The following FAM184B variants were observed in gnomAD, a reference collection of about 807,000 sequenced individuals.
FAM184B encodes the protein family with sequence similarity 184 member B, also known as protein FAM184B.
Under a neutral mutation model 135.9 loss-of-function variants are expected in FAM184B, and 111 were observed. The observed-to-expected ratio is 0.82, with a 90% CI of 0.70 to 0.96. The LOEUF is 0.96. Ranked by LOEUF, FAM184B falls within the 40% of genes least tolerant of loss-of-function variation. The pLI is 0.00. For synonymous variants in FAM184B, 552 were observed against 524.8 expected, an observed-to-expected ratio of 1.05 and a Z score of -0.71; for missense variants, 1,375 against 1,323.9, an observed-to-expected ratio of 1.04 and a Z score of -0.60.
At chr4:17,709,758 A>C (rs1371939647) in intron 1 of FAM184B, 114 bp from the exon 2 acceptor site, 1 of 970,138 alleles carries the variant, frequency 1.0e-6, no homozygotes, top group African/African-American at 1.7e-5. Context: ...GTGGCACCTG[A>C]GAAGAGGATT....
chr4:17,650,134 C>A (rs2872957), intron 11 of FAM184B, among the ~76,000 whole-genome samples: 91,461 of 150,728 alleles, frequency 0.61, 28,198 homozygotes, highest in East Asian at 0.89. Context: ...TTTTCTGTCC[C>A]TCCACCTGTC....
intron 1 of FAM184B, among the ~76,000 whole-genome samples, chr4:17,725,889 C>A (rs368432279): frequency 6.6e-6 from 1 of 152,028 alleles, no homozygotes; most frequent in Non-Finnish European, 1.5e-5. Context: ...ATTCAGCAAC[C>A]AAATCCCATA....
At chr4:17,645,913 T>C (rs1452717166) in intron 12 of FAM184B, among the ~76,000 whole-genome samples, 4 of 151,898 alleles carry the variant, frequency 2.6e-5, no homozygotes, top group Admixed American at 6.6e-5. Context: ...AACAAGTGGG[T>C]GAAGGATATG....
intron 6 of FAM184B, among the ~76,000 whole-genome samples, chr4:17,688,920 T>C (rs1312823708): frequency 6.6e-6 from 1 of 152,146 alleles, no homozygotes; most frequent in Admixed American, 6.6e-5. Context: ...CTCAAACTCC[T>C]GACCTTAAGC....
At chr4:17,710,041 C>A (rs1406335869) in intron 1 of FAM184B, among the ~76,000 whole-genome samples, 1 of 152,054 alleles carries the variant, frequency 6.6e-6, no homozygotes, top group Non-Finnish European at 1.5e-5. Context: ...AAAACTGGAC[C>A]CAGGCCAGGT....
At chr4:17,770,861 C>T (rs1004531341) in intron 1 of FAM184B, among the ~76,000 whole-genome samples, 1 of 152,084 alleles carries the variant, frequency 6.6e-6, no homozygotes, top group Non-Finnish European at 1.5e-5. Flanking sequence ...CCAGGAGATC[C>T]ACCCAAAAAG....
At chr4:17,637,597 TAGTA>T (rs1715182749) in intron 14 of FAM184B, among the ~76,000 whole-genome samples, 1 of 152,198 alleles carries the variant, frequency 6.6e-6, no homozygotes, top group Non-Finnish European at 1.5e-5. Context: ...GCCTGGCATA[TAGTA>T]AGTGCCCGTT....
intron 5 of FAM184B, among the ~76,000 whole-genome samples, chr4:17,703,715 G>C (rs183628827): frequency 1.3e-5 from 2 of 152,026 alleles, no homozygotes; most frequent in African/African-American, 4.8e-5. Context: ...GGCGGATCAC[G>C]AGGTCAAGAG....
intron 10 of FAM184B, among the ~76,000 whole-genome samples, chr4:17,658,025 G>A (rs1419002566): frequency 6.6e-6 from 1 of 152,218 alleles, no homozygotes; most frequent in Non-Finnish European, 1.5e-5. Flanking sequence ...CTGACTTCCT[G>A]GCGTGTTCAT....
intron 1 of FAM184B, among the ~76,000 whole-genome samples, chr4:17,778,086 A>G (rs1718967278): frequency 1.3e-5 from 2 of 152,288 alleles, no homozygotes; most frequent in Non-Finnish European, 1.5e-5. Flanking sequence ...AAAAAAAAAA[A>G]AGTACCTCCT....
intron 1 of FAM184B, among the ~76,000 whole-genome samples, chr4:17,763,682 T>C (rs577606383): frequency 2.2e-4 from 33 of 152,338 alleles, no homozygotes; most frequent in Admixed American, 1.8e-3. Context: ...ACAGCCCTAA[T>C]GGACTCTTAT....
At chr4:17,664,541 A>G in intron 8 of FAM184B, 21 bp downstream of exon 8, 1 of 1,525,794 alleles carries the variant, frequency 6.6e-7, no homozygotes, top group Non-Finnish European at 8.9e-7. Flanking sequence ...AGCACTCAGA[A>G]GTCTGCATGT....
chr4:17,749,592 T>G (rs1171775870), intron 1 of FAM184B, among the ~76,000 whole-genome samples: 2 of 152,178 alleles, frequency 1.3e-5, no homozygotes, highest in Non-Finnish European at 2.9e-5. Flanking sequence ...ATTAGTGCCA[T>G]CTATATGGCC....
At chr4:17,765,045 G>A (rs1168519920) in intron 1 of FAM184B, among the ~76,000 whole-genome samples, 1 of 152,180 alleles carries the variant, frequency 6.6e-6, no homozygotes, top group East Asian at 1.9e-4. Flanking sequence ...CTGGGCAACA[G>A]AGCAAGACCC....
intron 2 of FAM184B, 75 bp from the exon 3 acceptor site, chr4:17,707,859 A>G (rs1023743885): frequency 6.6e-7 from 1 of 1,511,906 alleles, no homozygotes; most frequent in Non-Finnish European, 8.9e-7. Context: ...CAGAATAGCC[A>G]TCAGACCTGA....
intron 8 of FAM184B, among the ~76,000 whole-genome samples, chr4:17,660,549 T>A (rs1051948553): frequency 1.3e-5 from 2 of 152,068 alleles, no homozygotes; most frequent in Admixed American, 1.3e-4. Flanking sequence ...GGTCACACAT[T>A]TTACTGGTGT....
At chr4:17,754,457 A>G (rs1296709312) in intron 1 of FAM184B, among the ~76,000 whole-genome samples, 2 of 151,312 alleles carry the variant, frequency 1.3e-5, no homozygotes, top group Non-Finnish European at 2.9e-5. Flanking sequence ...AAGCTGAGGC[A>G]GGAGAATCGC....
intron 16 of FAM184B, among the ~76,000 whole-genome samples, 196 bp downstream of exon 16, chr4:17,634,813 T>C (rs1425065916): frequency 6.6e-6 from 1 of 151,992 alleles, no homozygotes. Context: ...CTAGAAAATT[T>C]GGAAAATACA....
intron 12 of FAM184B, among the ~76,000 whole-genome samples, chr4:17,642,735 CTCTTCA>C (rs35663359): frequency 0.03 from 4,607 of 152,310 alleles, 222 homozygotes; most frequent in African/African-American, 0.1. Flanking sequence ...AGCTATTCCT[CTCTTCA>C]TCTTTCCAAC....
Sources: gnomAD v4.1 joint callset for allele counts (sites outside exome capture counted in the v4.1 genomes callset) on GRCh38, gnomAD v4.1.1 for gene constraint, MANE v1.5 for transcripts, NCBI Gene and HGNC (gene_info 2026-07-23, HGNC 2026-07-21) for gene names.